FRYL: variants seen among roughly 807,000 people sequenced by gnomAD.
FRYL encodes FRY like transcription coactivator.
In FRYL, 150 loss-of-function variants were observed where a neutral mutation model predicts 351.2. The ratio of observed to expected loss-of-function variants is 0.43; its 90% CI spans 0.37 to 0.49. The LOEUF is 0.49. Among genes scored for constraint, FRYL ranks in the 20% least tolerant of loss-of-function variants. FRYL has a pLI of 0.00. For missense variants in FRYL, 3,036 were observed against 3,619.3 expected, an observed-to-expected ratio of 0.84 and a Z score of 4.13; for synonymous variants, 1,153 against 1,257.1, an observed-to-expected ratio of 0.92 and a Z score of 1.75.
At chr4:48,619,971 A>C (rs1203834741) in intron 6 of FRYL, among the ~76,000 whole-genome samples, 3 of 152,250 alleles carry the variant, frequency 2.0e-5, no homozygotes, top group African/African-American at 4.8e-5. Context: ...AAAATGTAGC[A>C]TTGTTCCATA....
At chr4:48,757,394 T>C (rs919703740) in intron 1 of FRYL, among the ~76,000 whole-genome samples, 3 of 152,182 alleles carry the variant, frequency 2.0e-5, no homozygotes, top group Non-Finnish European at 4.4e-5. Context: ...CAGCAAAGTC[T>C]CAGGATATAA....
rs570560176 is a variant in FRYL, at chr4:48,705,641, T to C, written c.-204+4878A>G. Among the ~76,000 whole-genome samples, 9 of 152,108 alleles carry C rather than the reference T, an allele frequency of 5.9e-5. No homozygotes were observed. The South Asian group carries it at 1.7e-3, about 28-fold the overall frequency. ...TTTGACTTTGGAACCATAAAACTAT[T>C]ATACATGATTATAAAACAAAGTTAC... On this transcript the variant is annotated intron_variant, in intron 2 of 63. Transcript: ENST00000358350.
chr4:48,607,578 C>T, intron 9 of FRYL, among the ~76,000 whole-genome samples: 1 of 152,130 alleles, frequency 6.6e-6, no homozygotes, highest in East Asian at 1.9e-4. Context: ...CAAGAAAATA[C>T]ATACACCAAG....
chr4:48,579,108 T>C lies in FRYL; in HGVS notation c.2393A>G (p.Gln798Arg), dbSNP rs1269027146. The C allele has an allele frequency of 1.2e-6, 2 of 1,614,070 alleles. No homozygotes were observed. The highest frequency in any genetic ancestry group is 3.3e-5 in the Admixed American group (2 of 60,014). ...GGAGAGACTTATAATCCATGGGTCT[T>C]GGCCTTGGGTCACATGTGCAAATAT... is the stretch of plus-strand genomic sequence containing the variant. Reference protein sequence around the residue: ...IWIFAHVTQGQDPWIISLSSF... With the variant: ...IWIFAHVTQGRDPWIISLSSF... Residue 798 changes from glutamine (Q) to arginine (R), a missense_variant, in exon 23 of 64, where the codon CAA becomes CGA. This residue lies in a region of FRYL where 492 missense variants were observed against 551.5 expected (regional missense o/e 0.89). Transcript: ENST00000358350.
intron 1 of FRYL, among the ~76,000 whole-genome samples, chr4:48,721,060 G>A (rs941491688): frequency 6.6e-6 from 1 of 152,116 alleles, no homozygotes; most frequent in Admixed American, 6.5e-5. Context: ...ACTGACAAAC[G>A]AGAAAAAGGT....
intron 1 of FRYL, among the ~76,000 whole-genome samples, chr4:48,769,732 A>C (rs1420152054): frequency 1.3e-5 from 2 of 152,244 alleles, no homozygotes; most frequent in African/African-American, 4.8e-5. Flanking sequence ...CATACAATAA[A>C]TACTACTCAG....
chr4:48,727,070 G>GT (rs540164072), intron 1 of FRYL, among the ~76,000 whole-genome samples: 48 of 152,040 alleles, frequency 3.2e-4, no homozygotes, highest in Admixed American at 1.8e-3. Context: ...AGAAATAAAG[G>GT]TTTTTTTAAT....
chr4:48,511,566 A>G (rs552108322), intron 57 of FRYL, among the ~76,000 whole-genome samples: 2 of 152,324 alleles, frequency 1.3e-5, no homozygotes, highest in East Asian at 3.9e-4. Flanking sequence ...CTACTTATAT[A>G]TGTGTTGCAC....
At chr4:48,718,413 C>T (rs1769106848) in intron 1 of FRYL, among the ~76,000 whole-genome samples, 1 of 151,500 alleles carries the variant, frequency 6.6e-6, no homozygotes, top group South Asian at 2.1e-4. Context: ...TCATTTTAAA[C>T]AAATATTCTA....
At chr4:48,531,463 A>G (rs1727606562) in intron 49 of FRYL, 110 bp from the exon 50 acceptor site, 8 of 706,134 alleles carry the variant, frequency 1.1e-5, no homozygotes, top group Admixed American at 3.0e-5. Flanking sequence ...ACTTGTAAAA[A>G]TTATTCATTT....
At chr4:48,504,413 T>C (rs1560500022) in intron 60 of FRYL, among the ~76,000 whole-genome samples, 1 of 152,046 alleles carries the variant, frequency 6.6e-6, no homozygotes, top group African/African-American at 2.4e-5. Context: ...AGAGGGGATA[T>C]AAAAAAATCA....
At chr4:48,519,599 T>C (rs1264343197) in intron 55 of FRYL, among the ~76,000 whole-genome samples, 1 of 151,952 alleles carries the variant, frequency 6.6e-6, no homozygotes, top group Non-Finnish European at 1.5e-5. Flanking sequence ...GCCTCCCACA[T>C]TCAGGTGATT....
At chr4:48,780,045 A>T (rs1267511733) in intron 1 of FRYL, 33 bp downstream of exon 1, 2 of 152,140 alleles carry the variant, frequency 1.3e-5, no homozygotes, top group Non-Finnish European at 2.9e-5. Context: ...AAGAGAAAGT[A>T]AAATGAAGCG....
At chr4:48,633,059 T>C (rs1046494620) in intron 4 of FRYL, among the ~76,000 whole-genome samples, 5 of 151,870 alleles carry the variant, frequency 3.3e-5, no homozygotes, top group Admixed American at 2.6e-4. Context: ...AAGGAGTGAG[T>C]TTCAGCTGTT....
At chr4:48,727,113 C>A (rs1204530622) in intron 1 of FRYL, among the ~76,000 whole-genome samples, 1 of 151,790 alleles carries the variant, frequency 6.6e-6, no homozygotes, top group Non-Finnish European at 1.5e-5. Context: ...AATCTCATCT[C>A]AATTTTTAAA....
At chr4:48,504,196 T>C (rs757843154) in intron 60 of FRYL, among the ~76,000 whole-genome samples, 3 of 152,138 alleles carry the variant, frequency 2.0e-5, no homozygotes, top group Non-Finnish European at 2.9e-5. Context: ...TAACAAATAT[T>C]TGACTGCTTA....
intron 44 of FRYL, 102 bp from the exon 45 acceptor site, chr4:48,542,223 G>C (rs553554195): frequency 1.3e-6 from 1 of 779,632 alleles, no homozygotes; most frequent in Admixed American, 2.3e-5. Flanking sequence ...TCCATGTTAT[G>C]TTACAAAATG....
intron 3 of FRYL, among the ~76,000 whole-genome samples, chr4:48,656,150 A>G (rs1445097108): frequency 7.4e-6 from 1 of 135,384 alleles, no homozygotes; most frequent in African/African-American, 2.7e-5. Context: ...ACATTATAAA[A>G]CGTATATAAT....
In FRYL at chr4:48,608,981, A is replaced by G. The variant is rs770721995; in HGVS notation, c.572+6T>C. The G allele has an allele frequency of 6.3e-7, 1 of 1,583,684 alleles. No individual in the cohort carries two copies. Among genetic ancestry groups the G allele is most frequent in the Admixed American group, 1.7e-5 (1 of 59,788 alleles). ...AAAATCTAAATGGGTGATTTACAAA[A>G]CTTACTTTGATTGGGCAAGAACCCC... is the stretch of plus-strand genomic sequence containing the variant. On this transcript the variant is annotated splice_donor_region_variant and intron_variant, in intron 9 of 63. Transcript: ENST00000358350.
Sources: gnomAD v4.1 joint callset for allele counts (sites outside exome capture counted in the v4.1 genomes callset) on GRCh38, gnomAD v4.1.1 for gene constraint, gnomAD v4.1.1 regional missense constraint, MANE v1.5 for transcripts, NCBI Gene and HGNC (gene_info 2026-07-23, HGNC 2026-07-21) for gene names.